Variants in CTTN observed in about 807,000 individuals in gnomAD.
CTTN encodes cortactin, also known as src substrate cortactin.
CTTN carries 28 observed loss-of-function variants against 84.0 expected under a neutral mutation model. The ratio of observed to expected loss-of-function variants is 0.33; its 90% CI spans 0.25 to 0.46. The LOEUF (loss-of-function observed/expected upper bound fraction) is 0.46, where lower values mean the gene tolerates loss of function less well. Among genes scored for constraint, CTTN ranks in the 20% least tolerant of loss-of-function variants. The pLI is 1.00. For synonymous variants in CTTN, 301 were observed against 288.8 expected (o/e 1.04, Z -0.43); for missense variants, 641 against 723.8 (o/e 0.89, Z 1.31).
Position 70,409,865 on chromosome 11 carries a change from C to T in CTTN, c.196C>T (p.His66Tyr). ...HKLRENVFQE[H>Y]QTLKEKELET... ...GCTGAGGGAGAATGTCTTTCAAGAGCATCAGACCCTTAAGGAGAAGGAACT... is the reference window on the plus strand; with the variant it reads ...GCTGAGGGAGAATGTCTTTCAAGAGTATCAGACCCTTAAGGAGAAGGAACT... The change falls in exon 5 of 18, where the codon CAT becomes TAT. Residue 66 changes from histidine to tyrosine, a missense_variant. Around this residue, in one of 3 missense-constraint regions of CTTN, gnomAD observed 284 missense variants for 348.4 expected, o/e 0.82. Transcript: ENST00000301843. 1 of 1,614,018 alleles carries T rather than the reference C, an allele frequency of 6.2e-7. No homozygotes were observed. The highest frequency in any genetic ancestry group is 8.5e-7 in the Non-Finnish European group (1 of 1,179,884).
At chr11:70,425,179 T>C (rs957578040) in intron 12 of CTTN, among the ~76,000 whole-genome samples, 153 bp from the exon 13 acceptor site, 2 of 152,156 alleles carry the variant, frequency 1.3e-5, no homozygotes, top group African/African-American at 2.4e-5. Flanking sequence ...CTCAGTTAGT[T>C]TGCAAAACCG....
intron 12 of CTTN, 138 bp from the exon 13 acceptor site, chr11:70,425,194 G>A: frequency 1.6e-6 from 1 of 629,404 alleles, no homozygotes; most frequent in Middle Eastern, 2.6e-4. Context: ...AAACCGAGAG[G>A]CCATGAAGAG....
At position 70,435,682 on chromosome 11, in the gene CTTN, C is replaced by G. The variant is rs768671600; in HGVS notation, c.*520C>G. ...ACCCGGAGCTAAGTCACCCAGAGCA[C>G]AGGAGCTGCCATGTCAGATGGGAAA... is the stretch of plus-strand genomic sequence containing the variant. On this transcript the variant is annotated 3_prime_UTR_variant, in exon 18 of 18. Transcript: ENST00000301843. 2.9e-5 allele frequency: 46 copies of G among 1,597,356 alleles called. No homozygotes were observed. In the South Asian group the frequency reaches 5.0e-4, roughly 17 times the overall value.
chr11:70,421,157 G>A (rs759295479), intron 10 of CTTN, among the ~76,000 whole-genome samples: 4 of 152,334 alleles, frequency 2.6e-5, no homozygotes, highest in South Asian at 2.1e-4. Context: ...ACGCACACTC[G>A]TCTGCAGTGT....
chr11:70,414,774 G>T, intron 6 of CTTN, 122 bp downstream of exon 6: 2 of 671,780 alleles, frequency 3.0e-6, no homozygotes, highest in South Asian at 3.6e-5. Flanking sequence ...GGGGACTGCA[G>T]AGAGGGGCAT....
chr11:70,418,410 C>T (rs1399288276), intron 8 of CTTN, among the ~76,000 whole-genome samples: 1 of 152,252 alleles, frequency 6.6e-6, no homozygotes, highest in Non-Finnish European at 1.5e-5. Context: ...TGTGTGACTC[C>T]AGGGAGCCAG....
rs537074081 is a variant in CTTN, at chr11:70,426,178, C to T, written c.1027+777C>T. 5.3e-5 allele frequency among the ~76,000 whole-genome samples: 8 copies of T among 152,256 alleles called. No individual in the cohort carries two copies. In the East Asian group the frequency reaches 5.8e-4, roughly 11 times the overall value. ...ATCCCAGCACTTTGGGAGGCCAAGACGGGCGGATCACGAGGTCAGGAGATC... is the reference window on the plus strand; with the variant it reads ...ATCCCAGCACTTTGGGAGGCCAAGATGGGCGGATCACGAGGTCAGGAGATC... On this transcript the variant is annotated intron_variant, in intron 13 of 17. Coordinates refer to ENST00000301843, the MANE Select transcript of CTTN (RefSeq NM_005231.4).
At position 70,405,945 on chromosome 11, in the gene CTTN, G is replaced by A. The variant is rs142974185; in HGVS notation, c.-1+584G>A. On this transcript the variant is annotated intron_variant, in intron 2 of 17. Coordinates refer to ENST00000301843, the MANE Select transcript of CTTN (RefSeq NM_005231.4). Reference sequence around the variant, plus strand: ...CCAGGGCAGCATGGTGCCATGGGGCGGCCGGAGACCAAGCATCCCGTTTCT... The same window carrying A: ...CCAGGGCAGCATGGTGCCATGGGGCAGCCGGAGACCAAGCATCCCGTTTCT... 8.7e-3 allele frequency among the ~76,000 whole-genome samples: 1,329 copies of A among 152,334 alleles called. 27 individuals are homozygous for A. Among genetic ancestry groups the A allele is most frequent in the African/African-American group, 0.03 (1,243 of 41,566 alleles).
chr11:70,417,153 G>C (rs750486491), intron 8 of CTTN, 30 bp downstream of exon 8: 5 of 1,561,728 alleles, frequency 3.2e-6, no homozygotes, highest in Non-Finnish European at 4.4e-6. Flanking sequence ...CTGTAATCAC[G>C]CGTTTGCTCC....
intron 9 of CTTN, 141 bp from the exon 10 acceptor site, chr11:70,420,259 A>AG: frequency 1.5e-6 from 1 of 665,442 alleles, no homozygotes. Flanking sequence ...CATGGATGTT[A>AG]TCTAAAGTAT....
At chr11:70,421,800 C>A in intron 11 of CTTN, 1 of 536,336 alleles carries the variant, frequency 1.9e-6, no homozygotes, top group South Asian at 2.4e-5. Context: ...CTGTGTATGG[C>A]AGGATGCGCC....
intron 9 of CTTN, 112 bp from the exon 10 acceptor site, chr11:70,420,288 G>C: frequency 2.7e-6 from 2 of 743,236 alleles, no homozygotes; most frequent in South Asian, 3.2e-5. Flanking sequence ...ATCCGGAAGG[G>C]AAGAGTAGAT....
chr11:70,435,679 G>T lies in CTTN; in HGVS notation c.*517G>T. On this transcript the variant is annotated 3_prime_UTR_variant, in exon 18 of 18. Transcript: ENST00000301843. ...TTAACCCGGAGCTAAGTCACCCAGA[G>T]CACAGGAGCTGCCATGTCAGATGGG... 1.3e-6 allele frequency: 2 copies of T among 1,597,426 alleles called. No homozygotes were observed. Among genetic ancestry groups the T allele is most frequent in the Non-Finnish European group, 1.7e-6 (2 of 1,179,454 alleles).
intron 8 of CTTN, 79 bp from the exon 9 acceptor site, chr11:70,419,667 T>C: frequency 1.6e-6 from 2 of 1,278,270 alleles, no homozygotes; most frequent in Non-Finnish European, 2.2e-6. Flanking sequence ...TTTTGTTTTT[T>C]TAATCAAAGG....
intron 15 of CTTN, among the ~76,000 whole-genome samples, chr11:70,432,296 G>A (rs908367794): frequency 1.1e-4 from 16 of 152,290 alleles, no homozygotes; most frequent in African/African-American, 2.4e-4. Flanking sequence ...TGCCCCTCCC[G>A]TGCAGTTCAG....
Position 70,422,680 on chromosome 11 carries a change from G to A in CTTN, c.902-260G>A, listed in dbSNP as rs544988040. 471 of 1,402,966 alleles carry A rather than the reference G, an allele frequency of 3.4e-4. 7 individuals carry two copies. The South Asian group carries it at 5.5e-3, about 16-fold the overall frequency. 86.9% of individuals were successfully genotyped at this position (1,402,966 alleles called of 1,614,324 possible). On this transcript the variant is annotated intron_variant, in intron 11 of 17. Coordinates refer to ENST00000301843, the MANE Select transcript of CTTN (RefSeq NM_005231.4). ...GCTTAGCTCCTGCCTGCTGCCCGCC[G>A]CCCCTCCTGCCCCTCCTGCCCCTCA...
chr11:70,431,334 G>T, intron 15 of CTTN, 54 bp downstream of exon 15: 2 of 1,575,460 alleles, frequency 1.3e-6, no homozygotes, highest in Non-Finnish European at 1.7e-6. Context: ...CAGAGCCCAG[G>T]TCCTGTTTGT....
At chr11:70,407,808 C>CCTG in intron 4 of CTTN, 1 of 501,444 alleles carries the variant, frequency 2.0e-6, no homozygotes, top group South Asian at 3.5e-5. Flanking sequence ...TACTTCTGTG[C>CCTG]TCAGTAATTT....
intron 11 of CTTN, chr11:70,422,265 A>G (rs2058245678): frequency 2.9e-6 from 1 of 348,110 alleles, no homozygotes; most frequent in South Asian, 2.2e-5. Flanking sequence ...AAAAACAGTA[A>G]TTCCCTAACC....
Sources: allele counts gnomAD v4.1 joint callset (sites outside exome capture counted in the v4.1 genomes callset), GRCh38; gene constraint gnomAD v4.1.1; regional missense constraint gnomAD v4.1.1; transcripts MANE v1.5; gene names NCBI Gene and HGNC (gene_info 2026-07-23, HGNC 2026-07-21).